COL19A1: variants seen among roughly 807,000 people sequenced by gnomAD.
COL19A1 encodes the protein collagen type XIX alpha 1 chain, also known as collagen alpha-1(XIX) chain.
A neutral mutation model predicts 190.2 loss-of-function variants in COL19A1; 159 were observed. The observed-to-expected ratio is 0.84, with a 90% confidence interval of 0.73 to 0.95. The LOEUF is 0.95. Among genes scored for constraint, COL19A1 ranks in the 40% least tolerant of loss-of-function variants. The pLI, the probability that COL19A1 is intolerant of heterozygous loss-of-function variation, is 0.00. For synonymous variants in COL19A1, 509 were observed against 458.9 expected, an observed-to-expected ratio of 1.11 and a Z score of -1.39; for missense variants, 1,418 against 1,431.9, an observed-to-expected ratio of 0.99 and a Z score of 0.16.
Position 70,207,312 on chromosome 6 carries a change from C to T in COL19A1, c.*38C>T. The T allele has an allele frequency of 6.3e-7, 1 of 1,587,130 alleles. No homozygotes were observed. ...AAGACTTGGTTCCTGGTAACATTTC[C>T]TTGCCACTGGAGCTCTCTTAATACC... On this transcript the variant is annotated 3_prime_UTR_variant, in exon 51 of 51. Transcript: ENST00000620364.
chr6:69,903,157 T>C (rs891962829), intron 4 of COL19A1, among the ~76,000 whole-genome samples: 1 of 152,214 alleles, frequency 6.6e-6, no homozygotes, highest in Non-Finnish European at 1.5e-5. Flanking sequence ...CTACACTGCC[T>C]TGAGTTCAAC....
chr6:70,210,716 C>T lies in COL19A1; in HGVS notation c.*3442C>T, dbSNP rs980686403. ...AATTTGTTCAGAAGAACTGAGCAAA[C>T]TAACAGAAATACAAGGCTACGAACA... On this transcript the variant is annotated 3_prime_UTR_variant, in exon 51 of 51. Coordinates refer to ENST00000620364, the MANE Select transcript of COL19A1 (RefSeq NM_001858.6). Among the ~76,000 whole-genome samples the T allele has an allele frequency of 2.0e-5, 3 of 152,154 alleles. No homozygotes were observed. The highest frequency in any genetic ancestry group is 4.4e-5 in the Non-Finnish European group (3 of 67,984).
chr6:70,116,038 G>A (rs1784562198), intron 16 of COL19A1, among the ~76,000 whole-genome samples: 1 of 151,784 alleles, frequency 6.6e-6, no homozygotes. Flanking sequence ...AAGAAATTGA[G>A]TCCCCCAATA....
Position 69,925,745 on chromosome 6 carries a change from A to C in COL19A1, c.267-2164A>C, listed in dbSNP as rs1315640965. On this transcript the variant is annotated intron_variant, in intron 4 of 50. Transcript: ENST00000620364. ...ATGGAATGTTCTTCCATTTGTTTGT[A>C]TCCTCTTTTATTTCATTGAGCAGTG... Among the ~76,000 whole-genome samples, 4 of 152,014 alleles carry C rather than the reference A, an allele frequency of 2.6e-5. No homozygotes were observed. In the East Asian group the frequency reaches 5.8e-4, roughly 22 times the overall value.
intron 12 of COL19A1, among the ~76,000 whole-genome samples, chr6:70,032,592 T>C (rs1162962626): frequency 1.3e-5 from 2 of 151,968 alleles, no homozygotes; most frequent in African/African-American, 4.8e-5. Flanking sequence ...ACTGTTATCA[T>C]TTAAGCATAT....
At chr6:69,921,521 CAT>C (rs1286098161) in intron 4 of COL19A1, among the ~76,000 whole-genome samples, 14 of 114,680 alleles carry the variant, frequency 1.2e-4, no homozygotes, top group Admixed American at 2.9e-4. Context: ...TATGTATATT[CAT>C]ATATATTCAT....
chr6:69,888,249 G>C (rs1202578852), intron 2 of COL19A1, among the ~76,000 whole-genome samples: 1 of 152,108 alleles, frequency 6.6e-6, no homozygotes, highest in Non-Finnish European at 1.5e-5. Flanking sequence ...GAGGGATAAG[G>C]CAGCTCAAAA....
At chr6:70,114,204 A>G (rs1053232437) in intron 16 of COL19A1, among the ~76,000 whole-genome samples, 2 of 152,070 alleles carry the variant, frequency 1.3e-5, no homozygotes, top group Non-Finnish European at 2.9e-5. Flanking sequence ...CTTGGCCCTT[A>G]GTGATTGTAT....
intron 16 of COL19A1, among the ~76,000 whole-genome samples, chr6:70,110,834 T>C (rs1287482859): frequency 6.6e-6 from 1 of 152,206 alleles, no homozygotes; most frequent in Non-Finnish European, 1.5e-5. Flanking sequence ...ACTGCTTGTT[T>C]CATCTTGTAT....
intron 1 of COL19A1, among the ~76,000 whole-genome samples, chr6:69,871,732 T>C (rs1465822581): frequency 6.6e-6 from 1 of 152,140 alleles, no homozygotes; most frequent in Non-Finnish European, 1.5e-5. Context: ...TGTTAATGTT[T>C]CACAGGCAGA....
At position 70,149,705 on chromosome 6, in the gene COL19A1, G is replaced by A. The variant is rs766833042; in HGVS notation, c.1895G>A (p.Gly632Asp). The A allele has an allele frequency of 1.9e-6, 3 of 1,613,372 alleles. No homozygotes were observed. The highest frequency in any genetic ancestry group is 1.3e-5 in the African/African-American group (1 of 74,870). ...TAATAAAATCTCATTTGTACTCAGG[G>A]CGCCCAAGGACCAGCTGGAGAGCCA... is the stretch of plus-strand genomic sequence containing the variant. ...PQGIGIPGRT[G>D]AQGPAGEPGI... The change falls in exon 28 of 51, where the codon GGC becomes GAC. Residue 632 changes from glycine (G) to aspartate (D), a missense_variant and splice_region_variant. By Grantham distance (94) the Gly-to-Asp change is moderately conservative (BLOSUM62 -1). Transcript: ENST00000620364.
At chr6:69,982,491 G>A (rs1412118131) in intron 11 of COL19A1, among the ~76,000 whole-genome samples, 2 of 151,660 alleles carry the variant, frequency 1.3e-5, no homozygotes, top group South Asian at 2.1e-4. Flanking sequence ...CACCTGCCTC[G>A]GCCTCCCACA....
chr6:70,095,246 T>A (rs80337795), intron 15 of COL19A1, among the ~76,000 whole-genome samples: 2 of 152,080 alleles, frequency 1.3e-5, no homozygotes, highest in African/African-American at 4.8e-5. Context: ...TTCCATTGTA[T>A]GAATAAACCA....
chr6:70,104,609 T>G (rs1484467616), intron 16 of COL19A1, among the ~76,000 whole-genome samples: 1 of 152,240 alleles, frequency 6.6e-6, no homozygotes, highest in Non-Finnish European at 1.5e-5. Context: ...TAGAATCTAG[T>G]CTTTTAAAGG....
At chr6:69,951,595 T>A (rs1353163589) in intron 9 of COL19A1, among the ~76,000 whole-genome samples, 1 of 151,904 alleles carries the variant, frequency 6.6e-6, no homozygotes, top group African/African-American at 2.4e-5. Context: ...ACAAACTAGA[T>A]GTCAGAAAAC....
intron 19 of COL19A1, among the ~76,000 whole-genome samples, chr6:70,139,007 T>C (rs1786062947): frequency 6.6e-6 from 1 of 152,078 alleles, no homozygotes; most frequent in South Asian, 2.1e-4. Context: ...CCTCCAAACC[T>C]GAACACTGAC....
At chr6:70,150,343 G>A (rs954428738) in intron 30 of COL19A1, among the ~76,000 whole-genome samples, 1 of 152,166 alleles carries the variant, frequency 6.6e-6, no homozygotes, top group Admixed American at 6.6e-5. Flanking sequence ...ATATTGCCAC[G>A]ATTTCTATTT....
chr6:70,076,909 A>G (rs1247688417), intron 15 of COL19A1, among the ~76,000 whole-genome samples: 2 of 152,226 alleles, frequency 1.3e-5, no homozygotes, highest in Non-Finnish European at 2.9e-5. Flanking sequence ...ACTATTTCAT[A>G]TGTTTACCAT....
chr6:69,878,575 C>A (rs901943173), intron 1 of COL19A1, among the ~76,000 whole-genome samples: 5 of 152,088 alleles, frequency 3.3e-5, no homozygotes, highest in African/African-American at 1.2e-4. Flanking sequence ...GAAATTGGAG[C>A]CCTTGTGCAT....
Sources: gnomAD v4.1 joint callset for allele counts (sites outside exome capture counted in the v4.1 genomes callset) on GRCh38, gnomAD v4.1.1 for gene constraint, MANE v1.5 for transcripts, NCBI Gene and HGNC (gene_info 2026-07-23, HGNC 2026-07-21) for gene names.